SRCIN1: variants seen among roughly 807,000 people sequenced by gnomAD.
The protein encoded by SRCIN1 is SRC kinase signaling inhibitor 1, also known as P130Cas-associated protein.
In SRCIN1, 50 loss-of-function variants were observed where a neutral mutation model predicts 116.2. The ratio of observed to expected loss-of-function variants is 0.43; its 90% CI spans 0.34 to 0.54. SRCIN1 has a LOEUF of 0.54. Ranked by LOEUF, SRCIN1 falls within the 20% of genes least tolerant of loss-of-function variation. The pLI is 0.02. For synonymous variants in SRCIN1, 736 were observed against 750.0 expected, an observed-to-expected ratio of 0.98 and a Z score of 0.30; for missense variants, 1,446 against 1,672.0, an observed-to-expected ratio of 0.86 and a Z score of 2.36.
chr17:38,553,509 C>T (rs1387374386), intron 11 of SRCIN1, among the ~76,000 whole-genome samples: 1 of 151,864 alleles, frequency 6.6e-6, no homozygotes, highest in African/African-American at 2.4e-5. Context: ...AGGCAGAGCA[C>T]GTGCCCCCGG....
intron 2 of SRCIN1, among the ~76,000 whole-genome samples, chr17:38,570,504 T>G (rs1466736033): frequency 6.6e-6 from 1 of 152,256 alleles, no homozygotes; most frequent in Non-Finnish European, 1.5e-5. Flanking sequence ...AGGGTGCCAC[T>G]GTCCCATGCC....
rs1349276294 is a variant in SRCIN1 at position 38,552,560 on chromosome 17, C to T, written c.2367G>A (p.Val789=). The T allele has an allele frequency of 3.1e-6, 5 of 1,610,442 alleles. No individual in the cohort carries two copies. Among genetic ancestry groups the T allele is most frequent in the Non-Finnish European group, 1.7e-6 (2 of 1,178,582 alleles). ...CCGCCTCCACCTCCACGCGCAGCACCACCCGCATCTTGCTCTGCAGGCCCG... is the reference window on the plus strand; with the variant it reads ...CCGCCTCCACCTCCACGCGCAGCACTACCCGCATCTTGCTCTGCAGGCCCG... ...HFPGLQSKMR[V]VLRVEVEAVK... The change falls in exon 13 of 19, where the codon GTG becomes GTA. Residue 789 remains valine, a synonymous_variant. Coordinates refer to ENST00000617146, the MANE Select transcript of SRCIN1 (RefSeq NM_025248.3). This position sits in a 1 kb window ranked among gnomAD's most constrained non-coding sequence, Gnocchi z 5.3.
In SRCIN1 at chr17:38,568,716, C is replaced by A. The variant is rs1019861718; in HGVS notation, c.325-485G>T. ...AGGGGGGTTGAGGCAAGTCACTAGT[C>A]CACATTGGCTGGGGCGCAGCTGGGA... On this transcript the variant is annotated intron_variant, in intron 2 of 18. Transcript: ENST00000617146. This position sits in a 1 kb window ranked among gnomAD's most constrained non-coding sequence, Gnocchi z 4.5. Among the ~76,000 whole-genome samples, 2 of 152,086 alleles carry A rather than the reference C, an allele frequency of 1.3e-5. No homozygotes were observed. The highest frequency in any genetic ancestry group is 4.8e-5 in the African/African-American group (2 of 41,394).
At chr17:38,550,961 G>A (rs955700967) in intron 15 of SRCIN1, among the ~76,000 whole-genome samples, 194 bp downstream of exon 15, 10 of 152,244 alleles carry the variant, frequency 6.6e-5, no homozygotes, top group Non-Finnish European at 1.0e-4. Flanking sequence ...GGAAATGCCG[G>A]GATGGAGTCC....
intron 1 of SRCIN1, among the ~76,000 whole-genome samples, chr17:38,584,450 C>G (rs1248568185): frequency 6.6e-6 from 1 of 152,218 alleles, no homozygotes; most frequent in African/African-American, 2.4e-5. Flanking sequence ...GTTCTGCCAC[C>G]CTCAGCTCAG....
chr17:38,595,745 C>T (rs1157506565), intron 1 of SRCIN1, among the ~76,000 whole-genome samples: 1 of 152,194 alleles, frequency 6.6e-6, no homozygotes, highest in East Asian at 1.9e-4. Flanking sequence ...CAGAGGATTC[C>T]CGCCTCTTCT....
intron 3 of SRCIN1, 97 bp from the exon 4 acceptor site, chr17:38,564,410 A>C: frequency 7.9e-7 from 1 of 1,264,398 alleles, no homozygotes; most frequent in Non-Finnish European, 1.1e-6. Context: ...AGGTCCTGCC[A>C]GCCAGCGACA....
chr17:38,564,277 C>T lies in SRCIN1; in HGVS notation c.382G>A (p.Gly128Arg), dbSNP rs751916497. 21 of 1,571,358 alleles carry T rather than the reference C, an allele frequency of 1.3e-5. No homozygotes were observed. Among genetic ancestry groups the T allele is most frequent in the South Asian group, 2.3e-5 (2 of 85,918 alleles). Residue 128 changes from glycine to arginine, a missense_variant, in exon 4 of 19, where the codon GGG becomes AGG. Physicochemically the swap from Gly to Arg is moderately radical, Grantham distance 125. Around this residue, in one of 5 missense-constraint regions of SRCIN1, gnomAD observed 246 missense variants for 265.1 expected, o/e 0.93. Transcript: ENST00000617146. Reference sequence around the variant, plus strand: ...AGCTTTGCCGCCTGGTCTGCCAGCCCGGGCTGGGCTCCCTGAGTGTGGCGT... The same window carrying T: ...AGCTTTGCCGCCTGGTCTGCCAGCCTGGGCTGGGCTCCCTGAGTGTGGCGT... ...SSRHTQGAQP[G>R]LADQAAKLSY...
At chr17:38,560,235 G>C in intron 8 of SRCIN1, 98 bp downstream of exon 8, 1 of 1,428,164 alleles carries the variant, frequency 7.0e-7, no homozygotes, top group South Asian at 1.3e-5. Flanking sequence ...GATTCACCCA[G>C]GGTCACCCAG....
chr17:38,572,981 G>A lies in SRCIN1; in HGVS notation c.325-4750C>T, dbSNP rs1281011114. On this transcript the variant is annotated intron_variant, in intron 2 of 18. Transcript: ENST00000617146. The surrounding 1 kb of genome is among the most constrained non-coding windows in gnomAD (Gnocchi z 4.3). ...CGCAGCCCCGCAGAGGAGCGGCGGA[G>A]GCTGGTGGCTGCGTCGCCGCGGTCA... 6.6e-6 allele frequency among the ~76,000 whole-genome samples: 1 copy of A among 152,006 alleles called. No homozygotes were observed. The highest frequency in any genetic ancestry group is 2.4e-5 in the African/African-American group (1 of 41,424).
At position 38,538,946 on chromosome 17, in the gene SRCIN1, G is replaced by T. The variant is rs1180155566; in HGVS notation, c.3417+4877C>A. ...CCACAGCACCAGATGCACATGACGA[G>T]ATGATGCCAACAGGGTGTAAGACCC... On this transcript the variant is annotated intron_variant, in intron 18 of 18. Coordinates refer to ENST00000617146, the MANE Select transcript of SRCIN1 (RefSeq NM_025248.3). Among the ~76,000 whole-genome samples the T allele has an allele frequency of 2.0e-5, 3 of 152,202 alleles. No individual in the cohort carries two copies. The East Asian group carries it at 5.8e-4, about 29-fold the overall frequency.
chr17:38,568,106 C>G lies in SRCIN1; in HGVS notation c.345+105G>C. The G allele has an allele frequency of 5.8e-6, 8 of 1,385,584 alleles. No individual in the cohort carries two copies. Among genetic ancestry groups the G allele is most frequent in the Non-Finnish European group, 8.1e-6 (8 of 987,552 alleles). 85.8% of individuals were successfully genotyped at this position (1,385,584 alleles called of 1,614,324 possible). On this transcript the variant is annotated intron_variant, in intron 3 of 18. Coordinates refer to ENST00000617146, the MANE Select transcript of SRCIN1 (RefSeq NM_025248.3). This position sits in a 1 kb window ranked among gnomAD's most constrained non-coding sequence, Gnocchi z 4.5. ...CCCACCGCCCATACCAGAAGGTGTCCGTGCAGATGCGCACCCCGGTGCAAA... is the reference window on the plus strand; with the variant it reads ...CCCACCGCCCATACCAGAAGGTGTCGGTGCAGATGCGCACCCCGGTGCAAA...
At chr17:38,591,675 C>G (rs1682298933) in intron 1 of SRCIN1, among the ~76,000 whole-genome samples, 1 of 152,246 alleles carries the variant, frequency 6.6e-6, no homozygotes, top group Non-Finnish European at 1.5e-5. Context: ...AGGCCTCCCC[C>G]AGCCTCAGAC....
chr17:38,606,023 G>A (rs1231435843), upstream of SRCIN1: 1 of 141,732 alleles, frequency 7.1e-6, no homozygotes, highest in Non-Finnish European at 1.6e-5. This position sits in a 1 kb window ranked among gnomAD's most constrained non-coding sequence, Gnocchi z 5.2. Flanking sequence ...CGCGCGTGTG[G>A]CCGGAACTTA....
rs1909081756 is a variant in SRCIN1, at chr17:38,602,149, CCTCCCCCAGAAA to C, written c.22+3523_22+3534del. 6.6e-6 allele frequency: 1 copy of C among 152,138 alleles called. No individual in the cohort carries two copies. Among genetic ancestry groups the C allele is most frequent in the African/African-American group, 2.4e-5 (1 of 41,334 alleles). 9.4% of individuals were successfully genotyped at this position (152,138 alleles called of 1,614,324 possible). ...GACCATGCCCCTGCCCCTCTGCCCA[CCTCCCCCAGAAA>C]CTCCCCTGGCTGCCAGGAACTCAGT... On this transcript the variant is annotated intron_variant, in intron 1 of 18. Transcript: ENST00000617146. The surrounding 1 kb of genome is among the most constrained non-coding windows in gnomAD (Gnocchi z 4.2).
At position 38,564,009 on chromosome 17, in the gene SRCIN1, C is replaced by T; in HGVS notation, c.541+109G>A. On this transcript the variant is annotated intron_variant, in intron 4 of 18. Coordinates refer to ENST00000617146, the MANE Select transcript of SRCIN1 (RefSeq NM_025248.3). ...GGAGAAGGGGCTGTGGGAAAGAGAG[C>T]AGAGCTTGAGGCGAGCTGGCGTGCT... 2.4e-6 allele frequency: 3 copies of T among 1,272,906 alleles called. No homozygotes were observed. In the African/African-American group the frequency reaches 4.5e-5, roughly 19 times the overall value. The allele number at this position is 1,272,906 out of a possible 1,614,324, so 78.9% of individuals were successfully genotyped here. A position where few individuals can be genotyped will look rare whatever the true frequency, so the allele number is the denominator to read the frequency against.
intron 1 of SRCIN1, among the ~76,000 whole-genome samples, chr17:38,587,972 C>T (rs1293790379): frequency 6.6e-6 from 1 of 151,778 alleles, no homozygotes; most frequent in African/African-American, 2.4e-5. Context: ...GTGACATTAC[C>T]AAAAACCACT....
chr17:38,559,873 G>T, intron 9 of SRCIN1, 101 bp from the exon 10 acceptor site: 1 of 1,418,766 alleles, frequency 7.0e-7, no homozygotes, highest in Non-Finnish European at 9.5e-7. Context: ...CCACACAGTA[G>T]CCAGAGAAGC....
chr17:38,590,906 C>T (rs905394695), intron 1 of SRCIN1, among the ~76,000 whole-genome samples: 2 of 152,200 alleles, frequency 1.3e-5, no homozygotes, highest in African/African-American at 4.8e-5. Flanking sequence ...AACGCTGAAA[C>T]AACCCTCCTT....
Sources: allele counts gnomAD v4.1 joint callset (sites outside exome capture counted in the v4.1 genomes callset), GRCh38; gene constraint gnomAD v4.1.1; regional missense constraint gnomAD v4.1.1; non-coding constraint Gnocchi (gnomAD v3.1); transcripts MANE v1.5; gene names NCBI Gene and HGNC (gene_info 2026-07-23, HGNC 2026-07-21).